The following IFT140 variants were observed in gnomAD, a reference collection of about 807,000 sequenced individuals.
IFT140 encodes the protein intraflagellar transport 140.
In IFT140, 133 loss-of-function variants were observed where a neutral mutation model predicts 164.6. That is an observed-to-expected ratio of 0.81 (90% CI 0.70 to 0.93). The LOEUF is 0.93. Ranked by LOEUF, IFT140 falls within the 40% of genes least tolerant of loss-of-function variation. IFT140 has a pLI of 0.00. For synonymous variants in IFT140, 860 were observed against 817.3 expected (o/e 1.05, Z -0.89); for missense variants, 2,045 against 1,972.3 (o/e 1.04, Z -0.70).
Position 1,583,369 on chromosome 16 carries a change from C to A in IFT140, c.1377G>T (p.Trp459Cys). The change falls in exon 12 of 31, where the codon TGG becomes TGT. Residue 459 changes from tryptophan to cysteine, a missense_variant. Coordinates refer to ENST00000426508, the MANE Select transcript of IFT140 (RefSeq NM_014714.4). ...VFATKDAVAV[W>C]NGRQVAIFEL... ...CGAAGATCGCCACCTGCCTTCCGTT[C>A]CAGACTGCGACAGCATCCTGAAAAG... The A allele has an allele frequency of 6.2e-7, 1 of 1,614,136 alleles. No individual in the cohort carries two copies. Among genetic ancestry groups the A allele is most frequent in the Non-Finnish European group, 8.5e-7 (1 of 1,180,016 alleles).
At chr16:1,517,163 G>A (rs1222680941) in intron 30 of IFT140, among the ~76,000 whole-genome samples, 1 of 152,140 alleles carries the variant, frequency 6.6e-6, no homozygotes, top group African/African-American at 2.4e-5. Flanking sequence ...TTGAGGTCAC[G>A]AGTTCAAGAC....
chr16:1,590,808 T>C (rs2035140539), intron 6 of IFT140, among the ~76,000 whole-genome samples: 1 of 152,164 alleles, frequency 6.6e-6, no homozygotes, highest in Non-Finnish European at 1.5e-5. Context: ...CTGTGTCAGC[T>C]AGGCTGGAGT....
chr16:1,584,207 C>T lies in IFT140; in HGVS notation c.1359+10G>A, dbSNP rs765870382. The T allele has an allele frequency of 8.7e-6, 14 of 1,610,518 alleles. No individual in the cohort carries two copies. The highest frequency in any genetic ancestry group is 3.3e-5 in the Admixed American group (2 of 59,818). ...TCTGTGTCCCACCCACGGGTCCCCT[C>T]GGCAGTCACCTTGGTGGCAAACACT... On this transcript the variant is annotated intron_variant, in intron 11 of 30. Coordinates refer to ENST00000426508, the MANE Select transcript of IFT140 (RefSeq NM_014714.4).
chr16:1,595,069 A>G (rs1339344696), intron 4 of IFT140, among the ~76,000 whole-genome samples: 1 of 152,004 alleles, frequency 6.6e-6, no homozygotes, highest in Non-Finnish European at 1.5e-5. Flanking sequence ...GCGGATCACA[A>G]GGTCAGGAGA....
chr16:1,565,472 A>G (rs79168567), intron 16 of IFT140, among the ~76,000 whole-genome samples: 2,293 of 152,108 alleles, frequency 0.015, 58 homozygotes, highest in African/African-American at 0.053. Flanking sequence ...GGCTGGACAG[A>G]AGGGGTGTGT....
rs1219873260 is a variant in IFT140 at position 1,607,106 on chromosome 16, T to C, written c.147+14A>G. 1 of 1,613,136 alleles carries C rather than the reference T, an allele frequency of 6.2e-7. No individual in the cohort carries two copies. The highest frequency in any genetic ancestry group is 1.7e-5 in the Admixed American group (1 of 59,896). Reference sequence around the variant, plus strand: ...AAGCTACCACAGTCAGGCTCCTTGCTTCTGAGCACTCACTTGCTCCAGGTA... The same window carrying C: ...AAGCTACCACAGTCAGGCTCCTTGCCTCTGAGCACTCACTTGCTCCAGGTA... On this transcript the variant is annotated intron_variant, in intron 3 of 30. Transcript: ENST00000426508.
At chr16:1,536,491 C>A (rs1192124977) in intron 19 of IFT140, among the ~76,000 whole-genome samples, 1 of 152,244 alleles carries the variant, frequency 6.6e-6, no homozygotes, top group Non-Finnish European at 1.5e-5. Context: ...CTGCAGGTGG[C>A]TGACCCTCAG....
chr16:1,555,935 C>G (rs2141439587), intron 19 of IFT140, among the ~76,000 whole-genome samples: 1 of 152,146 alleles, frequency 6.6e-6, no homozygotes, highest in South Asian at 2.1e-4. Flanking sequence ...AACCCTGTCT[C>G]TACTAAAAAT....
intron 21 of IFT140, 93 bp from the exon 22 acceptor site, chr16:1,525,419 A>G: frequency 1.1e-6 from 1 of 937,708 alleles, no homozygotes; most frequent in Non-Finnish European, 1.7e-6. Context: ...GAAACGCATC[A>G]GAGCGGTGGC....
intron 29 of IFT140, among the ~76,000 whole-genome samples, chr16:1,519,640 C>G (rs1254418329): frequency 6.6e-6 from 1 of 152,192 alleles, no homozygotes. Context: ...GCCTCCTCCT[C>G]CCACTCCCCC....
intron 7 of IFT140, 31 bp from the exon 8 acceptor site, chr16:1,588,055 C>G: frequency 6.2e-7 from 1 of 1,600,596 alleles, no homozygotes; most frequent in Non-Finnish European, 8.5e-7. Context: ...GCAGAGGCAC[C>G]GTGCTTGCTG....
chr16:1,603,144 C>T (rs2035879394), intron 3 of IFT140, among the ~76,000 whole-genome samples: 1 of 152,178 alleles, frequency 6.6e-6, no homozygotes, highest in South Asian at 2.1e-4. Context: ...ACCAGCTTCT[C>T]ATGGAGTGCC....
rs539807243 is a variant in IFT140, at chr16:1,569,060, A to G, written c.1653-726T>C. On this transcript the variant is annotated intron_variant, in intron 14 of 30. Coordinates refer to ENST00000426508, the MANE Select transcript of IFT140 (RefSeq NM_014714.4). ...CGCCCTGTTGCCCAGGCTGGAGTGCAGTGGCGCCATCTCGGCTCACTGCAA... is the reference window on the plus strand; with the variant it reads ...CGCCCTGTTGCCCAGGCTGGAGTGCGGTGGCGCCATCTCGGCTCACTGCAA... 5.4e-3 allele frequency among the ~76,000 whole-genome samples: 772 copies of G among 143,688 alleles called. 7 individuals are homozygous for G. The highest frequency in any genetic ancestry group is 0.019 in the African/African-American group (728 of 38,338). The allele number at this position is 143,688 out of a possible 152,430, so 94.3% of individuals were successfully genotyped here. A position where few individuals can be genotyped will look rare whatever the true frequency, so the allele number is the denominator to read the frequency against.
intron 10 of IFT140, among the ~76,000 whole-genome samples, chr16:1,585,799 C>T (rs1301071146): frequency 5.7e-5 from 7 of 122,812 alleles, no homozygotes; most frequent in Middle Eastern, 6.6e-3. Context: ...GAGACGGAGT[C>T]TCACTCTGTC....
intron 26 of IFT140, among the ~76,000 whole-genome samples, chr16:1,522,330 C>A (rs982889701): frequency 1.3e-5 from 2 of 151,878 alleles, no homozygotes; most frequent in Non-Finnish European, 2.9e-5. Flanking sequence ...GGACTGCAGT[C>A]TGGGTGACAG....
chr16:1,512,261 C>T (rs1415270222), intron 30 of IFT140, among the ~76,000 whole-genome samples: 1 of 147,612 alleles, frequency 6.8e-6, no homozygotes, highest in Non-Finnish European at 1.5e-5. Context: ...CGGTGGAGGG[C>T]AGGACGTGGG....
chr16:1,605,757 C>T (rs2036027143), intron 3 of IFT140, among the ~76,000 whole-genome samples: 1 of 152,020 alleles, frequency 6.6e-6, no homozygotes, highest in Admixed American at 6.6e-5. Context: ...GGGTGATTAT[C>T]GAAGTCTGAG....
chr16:1,576,941 G>A (rs1012426075), intron 13 of IFT140: 15 of 152,178 alleles, frequency 9.9e-5, no homozygotes, highest in African/African-American at 3.4e-4. Context: ...CAAGTGTTTC[G>A]AAGATCCCCT....
chr16:1,568,285 C>G lies in IFT140; in HGVS notation c.1702G>C (p.Gly568Arg). Residue 568 changes from glycine (G) to arginine (R), a missense_variant, in exon 15 of 31, where the codon GGG (glycine) becomes CGG (arginine). By Grantham distance (125) the Gly-to-Arg change is moderately radical. Coordinates refer to ENST00000426508, the MANE Select transcript of IFT140 (RefSeq NM_014714.4). The stretch of plus-strand genomic sequence containing the variant: ...CGCAGAGAAGCGATGCCCCCCACCC[C>G]AGGGACCAGCTCCGCCAGGCTCCTG... ...SCRSLAELVP[G>R]VGGIASLRCS... 6.2e-7 allele frequency: 1 copy of G among 1,613,710 alleles called. No individual in the cohort carries two copies. The highest frequency in any genetic ancestry group is 8.5e-7 in the Non-Finnish European group (1 of 1,179,992).
Sources: allele counts gnomAD v4.1 joint callset (sites outside exome capture counted in the v4.1 genomes callset), GRCh38; gene constraint gnomAD v4.1.1; transcripts MANE v1.5; gene names NCBI Gene and HGNC (gene_info 2026-07-23, HGNC 2026-07-21).